The following ATXN1 variants were observed in gnomAD, a reference collection of about 807,000 sequenced individuals.
ATXN1 encodes ataxin-1.
In ATXN1, 8 loss-of-function variants were observed where a neutral mutation model predicts 56.4. The observed-to-expected ratio is 0.14, with a 90% CI of 0.08 to 0.26. The LOEUF (loss-of-function observed/expected upper bound fraction) is 0.26, where lower values mean the gene tolerates loss of function less well. ATXN1 is among the 10% of genes least tolerant of loss of function. ATXN1 has a pLI of 1.00. For missense variants in ATXN1, 987 were observed against 1,106.5 expected, an observed-to-expected ratio of 0.89 and a Z score of 1.53; for synonymous variants, 514 against 494.6, an observed-to-expected ratio of 1.04 and a Z score of -0.52.
At chr6:16,613,516 T>G (rs1172946225) in intron 3 of ATXN1, among the ~76,000 whole-genome samples, 1 of 152,004 alleles carries the variant, frequency 6.6e-6, no homozygotes, top group Non-Finnish European at 1.5e-5. Context: ...AATATTTGAC[T>G]GTGTTAACAA....
At chr6:16,540,439 T>G (rs914946483) in intron 4 of ATXN1, among the ~76,000 whole-genome samples, 2 of 152,202 alleles carry the variant, frequency 1.3e-5, no homozygotes, top group African/African-American at 4.8e-5. Context: ...CTCGAACTCC[T>G]GACCTCAGGT....
chr6:16,448,203 G>A (rs1218863086), intron 6 of ATXN1, among the ~76,000 whole-genome samples: 3 of 152,032 alleles, frequency 2.0e-5, no homozygotes, highest in Non-Finnish European at 4.4e-5. Flanking sequence ...CCAGCATAGT[G>A]GCCTCCACAC....
intron 6 of ATXN1, among the ~76,000 whole-genome samples, chr6:16,406,925 C>A (rs11759105): frequency 6.6e-6 from 1 of 152,182 alleles, no homozygotes; most frequent in African/African-American, 2.4e-5. Context: ...TCCTTTGTTC[C>A]GTGTACTCTT....
intron 2 of ATXN1, among the ~76,000 whole-genome samples, chr6:16,732,618 T>C (rs1400398326): frequency 6.6e-6 from 1 of 152,086 alleles, no homozygotes; most frequent in African/African-American, 2.4e-5. Flanking sequence ...CTCCAAATCA[T>C]AATAGCTGAT....
chr6:16,360,014 C>A (rs1335188130), intron 6 of ATXN1, among the ~76,000 whole-genome samples: 3 of 151,876 alleles, frequency 2.0e-5, no homozygotes, highest in Non-Finnish European at 4.4e-5. Context: ...AAATCACCAC[C>A]GAAGAACTTA....
intron 1 of ATXN1, chr6:16,754,867 A>G (rs2113540488): frequency 6.6e-6 from 1 of 152,328 alleles, no homozygotes; most frequent in East Asian, 1.9e-4. Context: ...TGGCCAAGTT[A>G]AGTAGAAGTT....
intron 3 of ATXN1, among the ~76,000 whole-genome samples, chr6:16,651,655 T>C (rs763612526): frequency 5.1e-4 from 77 of 151,824 alleles, no homozygotes; most frequent in Admixed American, 2.4e-3. Context: ...CCCATAAACG[T>C]AGGACAATGA....
intron 1 of ATXN1, among the ~76,000 whole-genome samples, chr6:16,755,360 A>G (rs1210618283): frequency 6.6e-6 from 1 of 152,240 alleles, no homozygotes; most frequent in Non-Finnish European, 1.5e-5. Flanking sequence ...ATAATATACC[A>G]GAAAATAATT....
rs554323764 is a variant in ATXN1, at chr6:16,588,058, A to T, written c.-488-2151T>A. Reference sequence around the variant, plus strand: ...TTTTCTGGAAATCTAAGCAGAATAGATTCTGCCTCACCTACGTTTCCTAGC... The same window carrying T: ...TTTTCTGGAAATCTAAGCAGAATAGTTTCTGCCTCACCTACGTTTCCTAGC... On this transcript the variant is annotated intron_variant, in intron 3 of 7. Coordinates refer to ENST00000436367, the MANE Select transcript of ATXN1 (RefSeq NM_001128164.2). Among the ~76,000 whole-genome samples, 18 of 71,704 alleles carry T rather than the reference A, an allele frequency of 2.5e-4. No individual in the cohort carries two copies. The South Asian group carries it at 7.0e-3, about 28-fold the overall frequency. 47.0% of individuals were successfully genotyped at this position (71,704 alleles called of 152,430 possible). A position where few individuals can be genotyped will look rare whatever the true frequency, so the allele number is the denominator to read the frequency against.
At chr6:16,725,104 A>T (rs913089160) in intron 2 of ATXN1, among the ~76,000 whole-genome samples, 1 of 152,230 alleles carries the variant, frequency 6.6e-6, no homozygotes, top group African/African-American at 2.4e-5. Flanking sequence ...TGAAGAATGG[A>T]AGTGGCTATA....
intron 4 of ATXN1, among the ~76,000 whole-genome samples, chr6:16,578,916 G>A (rs1206812946): frequency 2.0e-5 from 3 of 152,184 alleles, no homozygotes; most frequent in Non-Finnish European, 4.4e-5. Context: ...AGACTTTGGG[G>A]CAAACCATCC....
intron 6 of ATXN1, among the ~76,000 whole-genome samples, chr6:16,333,319 C>G (rs948922339): frequency 2.6e-5 from 4 of 152,198 alleles, no homozygotes; most frequent in Admixed American, 1.3e-4. Context: ...AAGCTCCACA[C>G]TTCTTTCTTT....
chr6:16,733,329 G>A (rs1415597137), intron 2 of ATXN1, among the ~76,000 whole-genome samples: 2 of 152,244 alleles, frequency 1.3e-5, no homozygotes, highest in African/African-American at 4.8e-5. Context: ...GGGAGGCCGA[G>A]GCGGGAGGAT....
intron 4 of ATXN1, among the ~76,000 whole-genome samples, chr6:16,536,898 G>A (rs1331886478): frequency 6.6e-6 from 1 of 152,132 alleles, no homozygotes; most frequent in African/African-American, 2.4e-5. Context: ...CATGGTCAAA[G>A]ATACATCATT....
At chr6:16,756,954 A>T (rs1760905049) in intron 1 of ATXN1, among the ~76,000 whole-genome samples, 2 of 152,260 alleles carry the variant, frequency 1.3e-5, no homozygotes, top group Middle Eastern at 3.2e-3. Context: ...AGAATGAAAA[A>T]CAATAAAGGC....
chr6:16,473,161 A>G (rs1760253228), intron 6 of ATXN1, among the ~76,000 whole-genome samples: 1 of 152,192 alleles, frequency 6.6e-6, no homozygotes, highest in African/African-American at 2.4e-5. Flanking sequence ...TATTATCTGC[A>G]TCGCACACAT....
rs902259335 is a variant in ATXN1, at chr6:16,506,144, C to T, written c.-299+16483G>A. ...AACAGGAATGGAAGATCATTGGAAG[C>T]CCTGGAAAAATAGAAAATATTTCTA... On this transcript the variant is annotated intron_variant, in intron 5 of 7. Transcript: ENST00000436367. This position sits in a 1 kb window ranked among gnomAD's most constrained non-coding sequence, Gnocchi z 4.1. 2.0e-5 allele frequency among the ~76,000 whole-genome samples: 3 copies of T among 152,224 alleles called. No homozygotes were observed. Among genetic ancestry groups the T allele is most frequent in the South Asian group, 2.1e-4 (1 of 4,818 alleles).
chr6:16,546,430 T>C (rs1325028186), intron 4 of ATXN1, among the ~76,000 whole-genome samples: 3 of 152,110 alleles, frequency 2.0e-5, no homozygotes, highest in Admixed American at 1.3e-4. Flanking sequence ...CCAGGTGTGC[T>C]CTCCTTCAAG....
At chr6:16,522,723 A>G (rs2113696691) in intron 4 of ATXN1, 35 bp from the exon 5 acceptor site, 1 of 152,356 alleles carries the variant, frequency 6.6e-6, no homozygotes, top group Middle Eastern at 3.4e-3. Context: ...AAAAAAATTA[A>G]TAACTCCATT....
Sources: allele counts gnomAD v4.1 joint callset (sites outside exome capture counted in the v4.1 genomes callset), GRCh38; gene constraint gnomAD v4.1.1; non-coding constraint Gnocchi (gnomAD v3.1); transcripts MANE v1.5; gene names NCBI Gene and HGNC (gene_info 2026-07-23, HGNC 2026-07-21).